The following GLCCI1 variants were observed in gnomAD, a reference collection of about 807,000 sequenced individuals.
The protein encoded by GLCCI1 is glucocorticoid-induced transcript 1 protein.
In GLCCI1, 24 loss-of-function variants were observed where a neutral mutation model predicts 52.2. That is an observed-to-expected ratio of 0.46 (90% CI 0.33 to 0.65). The LOEUF (loss-of-function observed/expected upper bound fraction) is 0.65. Ranked by LOEUF, GLCCI1 falls within the 30% of genes least tolerant of loss-of-function variation. The pLI is 0.02. For synonymous variants in GLCCI1, 310 were observed against 276.5 expected (o/e 1.12, Z -1.20); for missense variants, 704 against 701.5 (o/e 1.00, Z -0.04).
Position 8,012,432 on chromosome 7 carries a change from C to CTTTTTTTTT in GLCCI1, c.609+8395_609+8403dup, listed in dbSNP as rs71014746. 8.0e-3 allele frequency among the ~76,000 whole-genome samples: 560 copies of CTTTTTTTTT among 70,422 alleles called. 34 individuals carry two copies. The highest frequency in any genetic ancestry group is 0.012 in the Middle Eastern group (1 of 82). The allele number at this position is 70,422 out of a possible 152,430, so 46.2% of individuals were successfully genotyped here. A position where few individuals can be genotyped will look rare whatever the true frequency, so the allele number is the denominator to read the frequency against. On this transcript the variant is annotated intron_variant, in intron 2 of 7. Coordinates refer to ENST00000223145, the MANE Select transcript of GLCCI1 (RefSeq NM_138426.4). ...CCATTCTGTGGGTTGCCTTTTTATT[C>CTTTTTTTTT]TTTTTTTTTTTTTTTTTTTTTTTTT...
At chr7:8,072,841 G>A (rs1359938555) in intron 6 of GLCCI1, among the ~76,000 whole-genome samples, 1 of 152,124 alleles carries the variant, frequency 6.6e-6, no homozygotes, top group Non-Finnish European at 1.5e-5. Flanking sequence ...CTTTAATACT[G>A]TGGATAATTG....
At chr7:7,986,572 C>T (rs1035488847) in intron 1 of GLCCI1, among the ~76,000 whole-genome samples, 2 of 152,140 alleles carry the variant, frequency 1.3e-5, no homozygotes, top group East Asian at 3.9e-4. Context: ...TTCTGTGTTA[C>T]TGAGAATAAA....
intron 1 of GLCCI1, among the ~76,000 whole-genome samples, chr7:7,982,513 C>T (rs1461398199): frequency 1.3e-5 from 2 of 152,008 alleles, no homozygotes; most frequent in Admixed American, 1.3e-4. Flanking sequence ...AGTATTTATG[C>T]TACAAAAATA....
intron 6 of GLCCI1, among the ~76,000 whole-genome samples, chr7:8,082,075 G>C (rs1161676376): frequency 1.3e-5 from 2 of 152,140 alleles, no homozygotes; most frequent in African/African-American, 2.4e-5. Flanking sequence ...ACTCAATTAA[G>C]ATTACCATGA....
At chr7:8,017,159 T>C (rs938093150) in intron 2 of GLCCI1, among the ~76,000 whole-genome samples, 1 of 152,236 alleles carries the variant, frequency 6.6e-6, no homozygotes, top group Non-Finnish European at 1.5e-5. Context: ...ATTACTTAGT[T>C]ATCCTATTGG....
At chr7:7,970,646 G>A (rs1019181916) in intron 1 of GLCCI1, 1 of 152,900 alleles carries the variant, frequency 6.5e-6, no homozygotes, top group African/African-American at 2.4e-5. Context: ...TGAGCTGGTG[G>A]ATGCTGTGGG....
intron 3 of GLCCI1, among the ~76,000 whole-genome samples, chr7:8,048,559 C>A (rs1161450682): frequency 6.6e-6 from 1 of 152,152 alleles, no homozygotes; most frequent in Non-Finnish European, 1.5e-5. Flanking sequence ...GGGGAACATA[C>A]ATGAGTCTTT....
chr7:8,017,414 C>G (rs1781402166), intron 2 of GLCCI1, among the ~76,000 whole-genome samples: 2 of 152,162 alleles, frequency 1.3e-5, no homozygotes, highest in Admixed American at 1.3e-4. Flanking sequence ...TAGTCTAACA[C>G]TGGTTTTCAA....
At chr7:7,986,623 GT>G (rs1458635467) in intron 1 of GLCCI1, among the ~76,000 whole-genome samples, 1 of 152,174 alleles carries the variant, frequency 6.6e-6, no homozygotes, top group Non-Finnish European at 1.5e-5. Context: ...ATAATTGCAA[GT>G]TTGAGTCATG....
Position 8,000,883 on chromosome 7 carries a change from T to C in GLCCI1, c.458-3025T>C, listed in dbSNP as rs13240196. 5.4e-3 allele frequency among the ~76,000 whole-genome samples: 826 copies of C among 152,314 alleles called. 6 individuals are homozygous for C. The highest frequency in any genetic ancestry group is 7.2e-3 in the Non-Finnish European group (491 of 68,026). On this transcript the variant is annotated intron_variant, in intron 1 of 7. Transcript: ENST00000223145. ...AATCCCTGCTTTTTTTTGCTTTCCA[T>C]TTGCTTGGTATATCTTCCTCCATCC... is the stretch of plus-strand genomic sequence containing the variant.
At chr7:8,006,168 G>C (rs564605342) in intron 2 of GLCCI1, among the ~76,000 whole-genome samples, 1 of 152,182 alleles carries the variant, frequency 6.6e-6, no homozygotes, top group Non-Finnish European at 1.5e-5. Flanking sequence ...AGAGCGAAAG[G>C]CTAAGTGAAA....
chr7:8,024,389 A>G (rs1430278153), intron 3 of GLCCI1, among the ~76,000 whole-genome samples: 1 of 152,252 alleles, frequency 6.6e-6, no homozygotes, highest in Non-Finnish European at 1.5e-5. Flanking sequence ...TAAGTCTAAT[A>G]TCTCTGGCTT....
At chr7:8,079,752 AC>A (rs1284585047) in intron 6 of GLCCI1, among the ~76,000 whole-genome samples, 1 of 151,500 alleles carries the variant, frequency 6.6e-6, no homozygotes, top group East Asian at 1.9e-4. Flanking sequence ...AATATAAAAT[AC>A]CTCCTACATA....
At chr7:8,007,158 T>G (rs961198492) in intron 2 of GLCCI1, among the ~76,000 whole-genome samples, 1 of 152,130 alleles carries the variant, frequency 6.6e-6, no homozygotes, top group Non-Finnish European at 1.5e-5. Flanking sequence ...CTGGCTTGCA[T>G]CTATCTGGAT....
At chr7:7,973,042 C>T (rs187576235) in intron 1 of GLCCI1, among the ~76,000 whole-genome samples, 1 of 152,184 alleles carries the variant, frequency 6.6e-6, no homozygotes, top group Non-Finnish European at 1.5e-5. Context: ...AAATGTCATC[C>T]TCCCTCTTGT....
At chr7:8,026,393 C>T (rs1293140663) in intron 3 of GLCCI1, among the ~76,000 whole-genome samples, 1 of 152,088 alleles carries the variant, frequency 6.6e-6, no homozygotes, top group East Asian at 1.9e-4. Flanking sequence ...AGCATTCATC[C>T]CTCCCACCCC....
chr7:8,045,854 A>G (rs1782111436), intron 3 of GLCCI1, among the ~76,000 whole-genome samples: 1 of 152,136 alleles, frequency 6.6e-6, no homozygotes, highest in Admixed American at 6.5e-5. Flanking sequence ...CTTCCACATA[A>G]GATGAACCTG....
intron 6 of GLCCI1, among the ~76,000 whole-genome samples, chr7:8,076,036 T>G (rs1203444439): frequency 6.6e-6 from 1 of 152,240 alleles, no homozygotes; most frequent in African/African-American, 2.4e-5. Context: ...AGGCAGACTT[T>G]TGAAACAGAC....
intron 1 of GLCCI1, among the ~76,000 whole-genome samples, chr7:8,003,151 A>T (rs538625874): frequency 1.3e-5 from 2 of 152,272 alleles, no homozygotes; most frequent in South Asian, 2.1e-4. Flanking sequence ...TTATGTTGTG[A>T]TGGGAGAGAG....
Sources: gnomAD v4.1 joint callset for allele counts (sites outside exome capture counted in the v4.1 genomes callset) on GRCh38, gnomAD v4.1.1 for gene constraint, MANE v1.5 for transcripts, NCBI Gene and HGNC (gene_info 2026-07-23, HGNC 2026-07-21) for gene names.